CACNA2D1: variants seen among roughly 807,000 people sequenced by gnomAD.
CACNA2D1 encodes calcium voltage-gated channel auxiliary subunit alpha2delta 1, also known as voltage-dependent calcium channel subunit alpha-2/delta-1.
In CACNA2D1, 53 loss-of-function variants were observed where a neutral mutation model predicts 171.5. The observed-to-expected ratio is 0.31, with a 90% confidence interval of 0.25 to 0.39. CACNA2D1 has a LOEUF of 0.39. Ranked by LOEUF, CACNA2D1 falls within the 10% of genes least tolerant of loss-of-function variation. CACNA2D1 has a pLI of 1.00. For missense variants in CACNA2D1, 903 were observed against 1,299.8 expected, an observed-to-expected ratio of 0.69 and a Z score of 4.69; for synonymous variants, 442 against 443.1, an observed-to-expected ratio of 1.00 and a Z score of 0.03.
intron 19 of CACNA2D1, among the ~76,000 whole-genome samples, chr7:81,996,630 C>A (rs958112741): frequency 7.4e-5 from 11 of 149,116 alleles, no homozygotes; most frequent in Admixed American, 1.3e-4. Flanking sequence ...CCATGACTAA[C>A]ATATATCATA....
chr7:82,143,146 T>C (rs1395860512), intron 4 of CACNA2D1, among the ~76,000 whole-genome samples: 2 of 152,036 alleles, frequency 1.3e-5, no homozygotes, highest in Non-Finnish European at 2.9e-5. Context: ...TTGTTTGAAG[T>C]TTGGAAAACA....
At chr7:82,163,675 T>C (rs1229619427) in intron 4 of CACNA2D1, among the ~76,000 whole-genome samples, 3 of 152,032 alleles carry the variant, frequency 2.0e-5, no homozygotes, top group East Asian at 3.9e-4. Context: ...ATAGGGGCAC[T>C]CACCCCATTT....
In CACNA2D1 at chr7:82,211,872, T is replaced by TTTTTG. The variant is rs532561661; in HGVS notation, c.295-41268_295-41264dup. ...TCTCTGCAACCTCACCAAACACCTGTTTTTGTTTTGTTTTGTTTTGTTTTG... is the reference window on the plus strand; with the variant it reads ...TCTCTGCAACCTCACCAAACACCTGTTTTTGTTTTGTTTTGTTTTGTTTTGTTTTG... On this transcript the variant is annotated intron_variant, in intron 3 of 38. Transcript: ENST00000356860. 2.9e-3 allele frequency among the ~76,000 whole-genome samples: 442 copies of TTTTTG among 152,136 alleles called. 1 individual carries two copies. The highest frequency in any genetic ancestry group is 5.6e-3 in the Admixed American group (85 of 15,272).
intron 38 of CACNA2D1, among the ~76,000 whole-genome samples, chr7:81,958,036 A>T (rs1333025203): frequency 2.6e-5 from 4 of 152,040 alleles, no homozygotes; most frequent in Non-Finnish European, 5.9e-5. Flanking sequence ...TACATGGGCA[A>T]CGTGCTGAAG....
intron 3 of CACNA2D1, among the ~76,000 whole-genome samples, chr7:82,247,903 A>T (rs1348794461): frequency 6.6e-6 from 1 of 152,176 alleles, no homozygotes; most frequent in African/African-American, 2.4e-5. Context: ...CCTAACAAAA[A>T]CTTTAATATC....
intron 15 of CACNA2D1, chr7:82,011,901 GTT>G: frequency 2.6e-6 from 1 of 377,560 alleles, no homozygotes; most frequent in African/African-American, 2.1e-5. Flanking sequence ...AACATTCCAG[GTT>G]GGAAATTCTA....
intron 6 of CACNA2D1, among the ~76,000 whole-genome samples, chr7:82,111,031 A>G (rs1788314598): frequency 6.6e-6 from 1 of 152,092 alleles, no homozygotes; most frequent in South Asian, 2.1e-4. Flanking sequence ...ATGACATACT[A>G]GGTCCTTAAT....
intron 3 of CACNA2D1, among the ~76,000 whole-genome samples, chr7:82,330,361 A>G (rs1252321348): frequency 2.0e-5 from 3 of 152,176 alleles, no homozygotes; most frequent in African/African-American, 4.8e-5. Flanking sequence ...TGTATGCACA[A>G]TAACAATTAC....
intron 3 of CACNA2D1, among the ~76,000 whole-genome samples, chr7:82,217,394 CATATATAT>C (rs6150191): frequency 0.08 from 8,179 of 102,504 alleles, 642 homozygotes; most frequent in Middle Eastern, 0.14. Flanking sequence ...CACACACATA[CATATATAT>C]ATATATATAT....
intron 3 of CACNA2D1, among the ~76,000 whole-genome samples, chr7:82,174,960 T>C (rs1169417469): frequency 6.6e-6 from 1 of 152,054 alleles, no homozygotes; most frequent in Non-Finnish European, 1.5e-5. Flanking sequence ...TCCATTAGCG[T>C]TGAATTCTGT....
At chr7:82,249,003 G>T (rs950367872) in intron 3 of CACNA2D1, among the ~76,000 whole-genome samples, 11 of 152,050 alleles carry the variant, frequency 7.2e-5, no homozygotes, top group Non-Finnish European at 1.0e-4. Context: ...TGTAGTCCCA[G>T]CTACTCAGGA....
chr7:82,375,977 G>A (rs1822975727), intron 1 of CACNA2D1, among the ~76,000 whole-genome samples: 1 of 152,060 alleles, frequency 6.6e-6, no homozygotes, highest in Admixed American at 6.6e-5. Flanking sequence ...TCTAAAGCTG[G>A]GGGATAGAAA....
At chr7:82,111,434 A>ATGTGTG (rs1360734073) in intron 6 of CACNA2D1, among the ~76,000 whole-genome samples, 6 of 97,882 alleles carry the variant, frequency 6.1e-5, no homozygotes, top group East Asian at 3.1e-4. Context: ...GTGTGTATAT[A>ATGTGTG]TATATATATA....
chr7:82,076,034 C>G (rs1315018098), intron 7 of CACNA2D1, among the ~76,000 whole-genome samples: 1 of 152,096 alleles, frequency 6.6e-6, no homozygotes, highest in African/African-American at 2.4e-5. Context: ...CTACTCTAAC[C>G]TGTGAGCAAT....
intron 1 of CACNA2D1, among the ~76,000 whole-genome samples, chr7:82,396,059 T>C (rs982389846): frequency 6.6e-6 from 1 of 152,228 alleles, no homozygotes; most frequent in Non-Finnish European, 1.5e-5. Flanking sequence ...TAATTACCAG[T>C]TAAAATGTTC....
At chr7:81,975,650 A>G (rs565299451) in intron 24 of CACNA2D1, among the ~76,000 whole-genome samples, 158 of 152,298 alleles carry the variant, frequency 1.0e-3, no homozygotes, top group African/African-American at 3.6e-3. Flanking sequence ...CTTATACTTT[A>G]AATGAATCTT....
intron 7 of CACNA2D1, among the ~76,000 whole-genome samples, chr7:82,072,650 T>C (rs1208571835): frequency 1.3e-5 from 2 of 151,762 alleles, no homozygotes; most frequent in Non-Finnish European, 2.9e-5. Flanking sequence ...TAAATATTAA[T>C]ATGAAGAGTC....
rs532289542 is a variant in CACNA2D1 at position 82,230,582 on chromosome 7, T to G, written c.295-59973A>C. Among the ~76,000 whole-genome samples, 10 of 152,324 alleles carry G rather than the reference T, an allele frequency of 6.6e-5. No homozygotes were observed. The South Asian group carries it at 2.1e-3, about 32-fold the overall frequency. Reference sequence around the variant, plus strand: ...CAAGAATCATGTATTGGTCCTCAACTAAAACTGAAGAAGGAATTTGGTAGC... The same window carrying G: ...CAAGAATCATGTATTGGTCCTCAACGAAAACTGAAGAAGGAATTTGGTAGC... On this transcript the variant is annotated intron_variant, in intron 3 of 38. Coordinates refer to ENST00000356860, the MANE Select transcript of CACNA2D1 (RefSeq NM_000722.4).
chr7:82,410,793 T>C (rs1408400495), intron 1 of CACNA2D1, among the ~76,000 whole-genome samples: 1 of 152,254 alleles, frequency 6.6e-6, no homozygotes, highest in East Asian at 1.9e-4. Flanking sequence ...TACCAAGCGA[T>C]GAGTCTTTTA....
Sources: gnomAD v4.1 joint callset for allele counts (sites outside exome capture counted in the v4.1 genomes callset) on GRCh38, gnomAD v4.1.1 for gene constraint, MANE v1.5 for transcripts, NCBI Gene and HGNC (gene_info 2026-07-23, HGNC 2026-07-21) for gene names.